HSD17B12: variants seen among roughly 807,000 people sequenced by gnomAD.
The protein encoded by HSD17B12 is hydroxysteroid 17-beta dehydrogenase 12.
A neutral mutation model predicts 39.3 loss-of-function variants in HSD17B12; 32 were observed. The observed-to-expected ratio is 0.81, with a 90% CI of 0.61 to 1.09. The LOEUF (loss-of-function observed/expected upper bound fraction) is 1.09. Among genes scored for constraint, HSD17B12 ranks in the 50% least tolerant of loss-of-function variants. The pLI is 0.00. For missense variants in HSD17B12, 342 were observed against 382.9 expected, an observed-to-expected ratio of 0.89 and a Z score of 0.89; for synonymous variants, 150 against 146.7, an observed-to-expected ratio of 1.02 and a Z score of -0.16.
At chr11:43,712,654 G>A (rs774626000) in intron 1 of HSD17B12, among the ~76,000 whole-genome samples, 7 of 152,062 alleles carry the variant, frequency 4.6e-5, no homozygotes, top group Non-Finnish European at 8.8e-5. Context: ...TCCCTAAGAT[G>A]TATAAAAGCA....
At chr11:43,774,683 C>A (rs1371872001) in intron 3 of HSD17B12, among the ~76,000 whole-genome samples, 1 of 152,102 alleles carries the variant, frequency 6.6e-6, no homozygotes, top group African/African-American at 2.4e-5. Context: ...CTCATTGAAT[C>A]CTTGAAAACC....
intron 1 of HSD17B12, among the ~76,000 whole-genome samples, chr11:43,745,156 G>A (rs1950402086): frequency 6.6e-6 from 1 of 152,212 alleles, no homozygotes; most frequent in South Asian, 2.1e-4. Flanking sequence ...CAATATACAT[G>A]AGGCAGATTT....
At chr11:43,820,252 C>A (rs369967903) in intron 6 of HSD17B12, among the ~76,000 whole-genome samples, 41 of 152,174 alleles carry the variant, frequency 2.7e-4, no homozygotes, top group Non-Finnish European at 3.5e-4. Flanking sequence ...GTGATCTGAC[C>A]TATGTTTTAG....
chr11:43,742,550 T>G (rs946952883), intron 1 of HSD17B12, among the ~76,000 whole-genome samples: 1 of 152,202 alleles, frequency 6.6e-6, no homozygotes, highest in African/African-American at 2.4e-5. Context: ...TGACTTAAAC[T>G]TGGGTATGTT....
intron 1 of HSD17B12, among the ~76,000 whole-genome samples, chr11:43,714,616 T>C (rs1950103352): frequency 6.6e-6 from 1 of 152,214 alleles, no homozygotes; most frequent in Non-Finnish European, 1.5e-5. Flanking sequence ...GGCTCTTTTT[T>C]GGTTCCATAT....
At chr11:43,764,836 G>A (rs1950581828) in intron 3 of HSD17B12, among the ~76,000 whole-genome samples, 1 of 152,058 alleles carries the variant, frequency 6.6e-6, no homozygotes, top group Admixed American at 6.5e-5. Flanking sequence ...GCATAGAGTT[G>A]ATCTCGCTTT....
At chr11:43,714,530 T>C (rs1318399339) in intron 1 of HSD17B12, among the ~76,000 whole-genome samples, 1 of 152,194 alleles carries the variant, frequency 6.6e-6, no homozygotes, top group Non-Finnish European at 1.5e-5. Context: ...ACTGTAGCCT[T>C]GTAGTATAGT....
chr11:43,691,582 CT>C (rs1292490451), intron 1 of HSD17B12, among the ~76,000 whole-genome samples: 5 of 152,198 alleles, frequency 3.3e-5, no homozygotes, highest in Admixed American at 6.5e-5. Context: ...CCTACCAAAT[CT>C]TACACTCACT....
chr11:43,699,867 AG>A (rs1949946920), intron 1 of HSD17B12, among the ~76,000 whole-genome samples: 2 of 152,240 alleles, frequency 1.3e-5, no homozygotes, highest in East Asian at 1.9e-4. Context: ...CATATGAAAA[AG>A]GTGCTCAACA....
intron 6 of HSD17B12, among the ~76,000 whole-genome samples, chr11:43,823,866 A>G (rs1951206630): frequency 1.3e-5 from 2 of 152,194 alleles, no homozygotes; most frequent in East Asian, 1.9e-4. Context: ...ACTTGAATCA[A>G]TCGCTATTTA....
intron 3 of HSD17B12, among the ~76,000 whole-genome samples, chr11:43,785,941 C>T (rs1950812012): frequency 6.6e-6 from 1 of 152,140 alleles, no homozygotes; most frequent in South Asian, 2.1e-4. Context: ...AATATTACCC[C>T]CAATCTTATC....
At chr11:43,643,135 C>A in the HSD17B12 span, among the ~76,000 whole-genome samples, 1 of 152,046 alleles carries the variant, frequency 6.6e-6, no homozygotes, top group African/African-American at 2.4e-5. Context: ...AGAAAAATAG[C>A]AGATAATTTG....
the HSD17B12 span, among the ~76,000 whole-genome samples, chr11:43,638,911 T>C: frequency 6.6e-6 from 1 of 151,604 alleles, no homozygotes; most frequent in Non-Finnish European, 1.5e-5. Flanking sequence ...TTGGAGGGAG[T>C]CTTCCCGAAG....
intron 6 of HSD17B12, among the ~76,000 whole-genome samples, chr11:43,817,309 C>T (rs1951139625): frequency 6.6e-6 from 1 of 152,010 alleles, no homozygotes; most frequent in Non-Finnish European, 1.5e-5. Flanking sequence ...GTTTACTCTG[C>T]TGATGTTCCT....
At chr11:43,758,527 T>C (rs1489151416) in intron 3 of HSD17B12, among the ~76,000 whole-genome samples, 1 of 152,216 alleles carries the variant, frequency 6.6e-6, no homozygotes, top group Non-Finnish European at 1.5e-5. Context: ...TAAGTTGTAA[T>C]TCTGCAACTG....
At chr11:43,661,153 C>G in the HSD17B12 span, among the ~76,000 whole-genome samples, 1 of 152,042 alleles carries the variant, frequency 6.6e-6, no homozygotes, top group Admixed American at 6.6e-5. Context: ...GAACAGACTG[C>G]CAATACACAC....
At chr11:43,641,397 G>A in the HSD17B12 span, among the ~76,000 whole-genome samples, 32 of 152,014 alleles carry the variant, frequency 2.1e-4, no homozygotes, top group African/African-American at 7.2e-4. Flanking sequence ...AAAAACAAGA[G>A]AATTTTCAGA....
chr11:43,820,468 TGCCAGG>T (rs890419024), intron 6 of HSD17B12, among the ~76,000 whole-genome samples: 1 of 152,206 alleles, frequency 6.6e-6, no homozygotes, highest in African/African-American at 2.4e-5. Flanking sequence ...TGTGTTACGT[TGCCAGG>T]GCCAGGGCCA....
chr11:43,677,811 A>G (rs1053708445), upstream of HSD17B12, among the ~76,000 whole-genome samples: 5 of 152,196 alleles, frequency 3.3e-5, no homozygotes, highest in Admixed American at 1.3e-4. Context: ...CATGGTGTAT[A>G]TGTGCCACTT....
Sources: allele counts gnomAD v4.1 joint callset (sites outside exome capture counted in the v4.1 genomes callset), GRCh38; gene constraint gnomAD v4.1.1; transcripts MANE v1.5; gene names NCBI Gene and HGNC (gene_info 2026-07-23, HGNC 2026-07-21).